The following TASOR2 variants were observed in gnomAD, a reference collection of about 807,000 sequenced individuals.
TASOR2 encodes the protein transcription activation suppressor family member 2, also known as protein TASOR 2.
TASOR2 carries 84 observed loss-of-function variants against 199.5 expected under a neutral mutation model. The observed-to-expected ratio is 0.42, with a 90% CI of 0.35 to 0.50. TASOR2 has a LOEUF of 0.50. Among genes scored for constraint, TASOR2 ranks in the 20% least tolerant of loss-of-function variants. The pLI, the probability that TASOR2 is intolerant of heterozygous loss-of-function variation, is 0.02. For missense variants in TASOR2, 2,796 were observed against 2,835.9 expected (o/e 0.99, Z 0.32); for synonymous variants, 1,103 against 1,046.6 (o/e 1.05, Z -1.04).
Position 5,761,067 on chromosome 10 carries a change from T to C in TASOR2, c.6993-223T>C, listed in dbSNP as rs1839753699. ...CATGGCTTGATTGGTCGTAGGTAGATGCATGATGTCCCTCTTAGAATGAGG... is the reference window on the plus strand; with the variant it reads ...CATGGCTTGATTGGTCGTAGGTAGACGCATGATGTCCCTCTTAGAATGAGG... On this transcript the variant is annotated intron_variant, in intron 18 of 20. Transcript: ENST00000328090. The C allele has an allele frequency of 1.9e-5, 9 of 485,626 alleles. No homozygotes were observed. The South Asian group carries it at 2.4e-4, about 13-fold the overall frequency. The allele number at this position is 485,626 out of a possible 1,614,324, so 30.1% of individuals were successfully genotyped here.
intron 1 of TASOR2, among the ~76,000 whole-genome samples, chr10:5,707,335 T>C (rs1838762239): frequency 6.6e-6 from 1 of 152,188 alleles, no homozygotes; most frequent in Admixed American, 6.5e-5. Flanking sequence ...TTATTTCATG[T>C]ATAAAGCCCA....
intron 12 of TASOR2, among the ~76,000 whole-genome samples, chr10:5,736,450 C>T (rs1429829269): frequency 2.0e-5 from 3 of 151,360 alleles, no homozygotes; most frequent in African/African-American, 7.3e-5. Flanking sequence ...GACGGGGTTT[C>T]ACCATGTTGC....
chr10:5,757,674 G>A lies in TASOR2; in HGVS notation c.6886+1G>A. On this transcript the variant is annotated splice_donor_variant, in intron 17 of 20. Transcript: ENST00000328090. LOFTEE classifies it high-confidence loss of function. ...AAGATACTAGAAGCTGTAACATTAGGTTGGTCTTTATTTTCTTTTCCTGTT... is the reference window on the plus strand; with the variant it reads ...AAGATACTAGAAGCTGTAACATTAGATTGGTCTTTATTTTCTTTTCCTGTT... 1 of 1,612,328 alleles carries A rather than the reference G, an allele frequency of 6.2e-7. No homozygotes were observed. The highest frequency in any genetic ancestry group is 8.5e-7 in the Non-Finnish European group (1 of 1,179,530).
rs200752180 is a variant in TASOR2 at position 5,740,600 on chromosome 10, AGTGTT to A, written c.2327+109_2327+113del. The A allele has an allele frequency of 1.1e-3, 1,330 of 1,253,850 alleles. 26 individuals are homozygous for A. In the East Asian group the frequency reaches 0.023, roughly 22 times the overall value. 77.7% of individuals were successfully genotyped at this position (1,253,850 alleles called of 1,614,324 possible). Reference sequence around the variant, plus strand: ...GCCAAACTCTGGAGAAGGAGAAAGAAGTGTTGTGTTTAAAACCAGTAATTTGATAA... The same window carrying A: ...GCCAAACTCTGGAGAAGGAGAAAGAAGTGTTTAAAACCAGTAATTTGATAA... On this transcript the variant is annotated intron_variant, in intron 13 of 20. Coordinates refer to ENST00000328090, the Ensembl canonical transcript of TASOR2. This position sits in a 1 kb window ranked among gnomAD's most constrained non-coding sequence, Gnocchi z 5.3.
chr10:5,723,231 A>G (rs1281414410), intron 6 of TASOR2, among the ~76,000 whole-genome samples: 1 of 150,882 alleles, frequency 6.6e-6, no homozygotes, highest in African/African-American at 2.4e-5. Context: ...AATTTTTTGT[A>G]TTTTTAGTAG....
chr10:5,752,148 T>C lies in TASOR2; in HGVS notation c.6606+2121T>C, dbSNP rs777180737. On this transcript the variant is annotated intron_variant, in intron 15 of 20. Transcript: ENST00000328090. This position sits in a 1 kb window ranked among gnomAD's most constrained non-coding sequence, Gnocchi z 4.4. ...CCATTCAGATGTCAGCAGTCCTGTT[T>C]AGTATCTACCTCAGAGCCCCAACAT... 6.6e-6 allele frequency among the ~76,000 whole-genome samples: 1 copy of C among 152,172 alleles called. No individual in the cohort carries two copies. The highest frequency in any genetic ancestry group is 1.5e-5 in the Non-Finnish European group (1 of 68,020).
At chr10:5,749,862 G>A (rs575974081) in exon 15 of TASOR2, 4 of 1,614,194 alleles carry the variant, frequency 2.5e-6, no homozygotes, top group South Asian at 2.2e-5. Context: ...CTCAAGAGAT[G>A]TATCTGCCTT....
At position 5,742,005 on chromosome 10, in the gene TASOR2, A is replaced by T. The variant is rs1464355388; in HGVS notation, c.2328-92A>T. ...AATTTTAAAAATAAAAACAAAAACT[A>T]AGGAATATTGGAGGCACTTGCTTAT... On this transcript the variant is annotated intron_variant, in intron 13 of 20. Transcript: ENST00000328090. This position sits in a 1 kb window ranked among gnomAD's most constrained non-coding sequence, Gnocchi z 4.2. 47 of 1,189,412 alleles carry T rather than the reference A, an allele frequency of 4.0e-5. No homozygotes were observed. Among genetic ancestry groups the T allele is most frequent in the Non-Finnish European group, 1.4e-5 (12 of 828,406 alleles). The allele number at this position is 1,189,412 out of a possible 1,614,324, so 73.7% of individuals were successfully genotyped here. A position where few individuals can be genotyped will look rare whatever the true frequency, so the allele number is the denominator to read the frequency against.
At position 5,699,007 on chromosome 10, in the gene TASOR2, G is replaced by A; in HGVS notation, c.-287-13816G>A. 6.6e-6 allele frequency among the ~76,000 whole-genome samples: 1 copy of A among 152,098 alleles called. No homozygotes were observed. Among genetic ancestry groups the A allele is most frequent in the Non-Finnish European group, 1.5e-5 (1 of 68,000 alleles). On this transcript the variant is annotated intron_variant, in intron 1 of 20. Coordinates refer to ENST00000328090, the Ensembl canonical transcript of TASOR2. This position sits in a 1 kb window ranked among gnomAD's most constrained non-coding sequence, Gnocchi z 4.1. Reference sequence around the variant, plus strand: ...ATATACGTAAGAGAAATGAAAACATGTTCACATAAAAACTTATACATGAAT... The same window carrying A: ...ATATACGTAAGAGAAATGAAAACATATTCACATAAAAACTTATACATGAAT...
chr10:5,759,836 G>C (rs1004658443), intron 18 of TASOR2, among the ~76,000 whole-genome samples: 1 of 152,242 alleles, frequency 6.6e-6, no homozygotes, highest in African/African-American at 2.4e-5. Context: ...GGTTTCCTTG[G>C]CAGGAAAGGA....
chr10:5,690,774 A>G lies in TASOR2; in HGVS notation c.-288+5599A>G, dbSNP rs1202525934. Among the ~76,000 whole-genome samples the G allele has an allele frequency of 6.6e-6, 1 of 152,222 alleles. No homozygotes were observed. Among genetic ancestry groups the G allele is most frequent in the South Asian group, 2.1e-4 (1 of 4,828 alleles). On this transcript the variant is annotated intron_variant, in intron 1 of 20. Coordinates refer to ENST00000328090, the Ensembl canonical transcript of TASOR2. This position sits in a 1 kb window ranked among gnomAD's most constrained non-coding sequence, Gnocchi z 4.8. The stretch of plus-strand genomic sequence containing the variant: ...TACAACCATTTTATACAGGCAAAAG[A>G]TGGTTTAATGCCAAAGCACAAACTC...
At chr10:5,763,076 TTAG>T (rs1840136248) in exon 21 of TASOR2, 3 of 1,603,068 alleles carry the variant, frequency 1.9e-6, no homozygotes, top group Admixed American at 1.7e-5. Flanking sequence ...CAATAAAAAA[TTAG>T]TATTTTCCCT....
In TASOR2 at chr10:5,685,671, G is replaced by C. The variant is rs1289182230; in HGVS notation, c.-288+496G>C. ...CATTTCAGCAGCAAGCGCAAGCCGCGTTGGGATAACTTGGTGCGAGCAACA... is the reference window on the plus strand; with the variant it reads ...CATTTCAGCAGCAAGCGCAAGCCGCCTTGGGATAACTTGGTGCGAGCAACA... On this transcript the variant is annotated intron_variant, in intron 1 of 20. Coordinates refer to ENST00000328090, the Ensembl canonical transcript of TASOR2. The surrounding 1 kb of genome is among the most constrained non-coding windows in gnomAD (Gnocchi z 5.4). 1.3e-5 allele frequency among the ~76,000 whole-genome samples: 2 copies of C among 152,216 alleles called. No individual in the cohort carries two copies. The highest frequency in any genetic ancestry group is 2.9e-5 in the Non-Finnish European group (2 of 68,042).
rs1236136411 is a variant in TASOR2, at chr10:5,689,833, A to G, written c.-288+4658A>G. 2.0e-5 allele frequency among the ~76,000 whole-genome samples: 3 copies of G among 152,166 alleles called. No homozygotes were observed. The highest frequency in any genetic ancestry group is 4.8e-5 in the African/African-American group (2 of 41,448). On this transcript the variant is annotated intron_variant, in intron 1 of 20. Transcript: ENST00000328090. This position sits in a 1 kb window ranked among gnomAD's most constrained non-coding sequence, Gnocchi z 4.1. ...CCCACAGCTTCCCCAACAGACATAC[A>G]TTGCCAAACTTGTGGATTTTTGATA...
At chr10:5,727,715 C>T (rs1169725557) in intron 10 of TASOR2, among the ~76,000 whole-genome samples, 2 of 152,134 alleles carry the variant, frequency 1.3e-5, no homozygotes, top group Non-Finnish European at 2.9e-5. Flanking sequence ...TATTCTTCCT[C>T]CTATCTGTCA....
intron 1 of TASOR2, among the ~76,000 whole-genome samples, chr10:5,708,293 A>C (rs565861652): frequency 1.3e-5 from 2 of 152,134 alleles, no homozygotes; most frequent in Non-Finnish European, 2.9e-5. Flanking sequence ...TATTTCTGCT[A>C]TCTAGAAAAT....
intron 10 of TASOR2, among the ~76,000 whole-genome samples, chr10:5,729,763 C>T (rs940905427): frequency 6.7e-6 from 1 of 148,642 alleles, no homozygotes; most frequent in Admixed American, 6.6e-5. Context: ...ATATTACTGA[C>T]AACTCTGAAA....
At chr10:5,692,149 C>CAAA (rs3047334) in intron 1 of TASOR2, among the ~76,000 whole-genome samples, 8,288 of 112,198 alleles carry the variant, frequency 0.074, 1,146 homozygotes, top group East Asian at 0.42. Flanking sequence ...CACTCTGTCT[C>CAAA]AAAAAAAAAA....
intron 12 of TASOR2, 36 bp downstream of exon 13, chr10:5,735,582 A>G: frequency 6.3e-7 from 1 of 1,598,864 alleles, no homozygotes; most frequent in Non-Finnish European, 8.5e-7. Context: ...TAAACACCCC[A>G]ATACAGATCT....
Sources: gnomAD v4.1 joint callset for allele counts (sites outside exome capture counted in the v4.1 genomes callset) on GRCh38, gnomAD v4.1.1 for gene constraint, Gnocchi (gnomAD v3.1) non-coding constraint, MANE v1.5 for transcripts, NCBI Gene and HGNC (gene_info 2026-07-23, HGNC 2026-07-21) for gene names.